Variants in C10orf105 observed in about 807,000 individuals in gnomAD.
C10orf105 encodes the protein chromosome 10 open reading frame 105.
In C10orf105, 2 loss-of-function variants were observed where a neutral mutation model predicts 0.6. The ratio of observed to expected loss-of-function variants is 3.18; its 90% CI spans 1.30 to 10.01. The LOEUF is 10.01. C10orf105 is among the 30% of genes most tolerant of loss of function. The probability of loss-of-function intolerance (pLI) is 0.04; values close to 1 mark genes in which losing one functional copy is unlikely to be tolerated. For missense variants in C10orf105, 209 were observed against 191.4 expected, an observed-to-expected ratio of 1.09 and a Z score of -0.54; for synonymous variants, 95 against 82.4, an observed-to-expected ratio of 1.15 and a Z score of -0.83.
chr10:71,712,537 C>A lies in C10orf105; in HGVS notation c.*3399G>T. The A allele has an allele frequency of 9.9e-7, 1 of 1,014,276 alleles. No individual in the cohort carries two copies. The highest frequency in any genetic ancestry group is 1.4e-6 in the Non-Finnish European group (1 of 690,548). 62.8% of individuals were successfully genotyped at this position (1,014,276 alleles called of 1,614,324 possible). On this transcript the variant is annotated 3_prime_UTR_variant, in exon 2 of 2. Transcript: ENST00000441508. ...AAGCTAAAAAGGAAGTCACCCCTTGCAAAGGCTAGGGCAGATGGGGCGGAA... is the reference window on the plus strand; with the variant it reads ...AAGCTAAAAAGGAAGTCACCCCTTGAAAAGGCTAGGGCAGATGGGGCGGAA...
At chr10:71,724,324 C>T (rs1168599946), upstream of C10orf105, among the ~76,000 whole-genome samples, 1 of 152,164 alleles carries the variant, frequency 6.6e-6, no homozygotes, top group African/African-American at 2.4e-5. Flanking sequence ...ACGGAGTCTC[C>T]CTCTGTCGCC....
upstream of C10orf105, chr10:71,724,056 G>A (rs752407400): frequency 2.4e-5 from 38 of 1,559,900 alleles, no homozygotes; most frequent in South Asian, 5.9e-5. Flanking sequence ...TGAAAGCCAC[G>A]GACGCAGATG....
Position 71,712,610 on chromosome 10 carries a change from A to C in C10orf105, c.*3326T>G. 6.3e-7 allele frequency: 1 copy of C among 1,598,824 alleles called. No homozygotes were observed. The highest frequency in any genetic ancestry group is 8.5e-7 in the Non-Finnish European group (1 of 1,169,924). ...CCCGGGAGTGTGCAAAGTCACAGGA[A>C]GTGTGCCCCTCTCTCAGGCAGCTGC... On this transcript the variant is annotated 3_prime_UTR_variant, in exon 2 of 2. Transcript: ENST00000441508.
chr10:71,712,797 G>GT lies in C10orf105; in HGVS notation c.*3138_*3139insA. 6.2e-7 allele frequency: 1 copy of GT among 1,612,502 alleles called. No homozygotes were observed. The highest frequency in any genetic ancestry group is 8.5e-7 in the Non-Finnish European group (1 of 1,179,516). Reference sequence around the variant, plus strand: ...AGCGTCCCTGAGGACATCCCTGAAGGCCACAGCATCTTGCAGGCAGGTGGC... The same window carrying GT: ...AGCGTCCCTGAGGACATCCCTGAAGGTCCACAGCATCTTGCAGGCAGGTGGC... On this transcript the variant is annotated 3_prime_UTR_variant, in exon 2 of 2. Coordinates refer to ENST00000441508, the MANE Select transcript of C10orf105 (RefSeq NM_001164375.3).
intron 1 of C10orf105, among the ~76,000 whole-genome samples, chr10:71,728,393 C>G (rs965376161): frequency 6.6e-6 from 1 of 152,090 alleles, no homozygotes; most frequent in African/African-American, 2.4e-5. Flanking sequence ...AACTTTTACA[C>G]CCATATGCCT....
chr10:71,731,362 G>A (rs1340737385), intron 1 of C10orf105, among the ~76,000 whole-genome samples: 5 of 152,230 alleles, frequency 3.3e-5, no homozygotes, highest in Non-Finnish European at 5.9e-5. Context: ...GGATGGGGTG[G>A]AGGGAGGAAT....
chr10:71,735,432 G>A (rs373869482), intron 1 of C10orf105, among the ~76,000 whole-genome samples: 12 of 152,264 alleles, frequency 7.9e-5, no homozygotes, highest in African/African-American at 2.6e-4. Context: ...TCATGCTGGG[G>A]TTGCAATGGG....
Position 71,730,229 on chromosome 10 carries a change from A to G in C10orf105, c.-6+7499T>C, listed in dbSNP as rs16929272. On this transcript the variant is annotated intron_variant, in intron 1 of 1. Coordinates refer to the C10orf105 transcript ENST00000398786. ...TCAGATGTTCCACAGCATTAGTCAA[A>G]AAGCCAAGAGCAAGATGAAGTTCAT... 0.029 allele frequency among the ~76,000 whole-genome samples: 4,392 copies of G among 152,316 alleles called. 235 individuals carry two copies. Among genetic ancestry groups the G allele is most frequent in the African/African-American group, 0.1 (4,170 of 41,550 alleles).
At chr10:71,725,881 A>G (rs1466943407) in intron 1 of C10orf105, among the ~76,000 whole-genome samples, 3 of 152,152 alleles carry the variant, frequency 2.0e-5, no homozygotes, top group East Asian at 1.9e-4. Context: ...CATTTTACAG[A>G]TGAGAAAACT....
chr10:71,720,262 C>G (rs1173279063), upstream of C10orf105, among the ~76,000 whole-genome samples: 3 of 152,158 alleles, frequency 2.0e-5, no homozygotes, highest in Non-Finnish European at 4.4e-5. Flanking sequence ...AAGCACCTTC[C>G]CTTTGAAGGT....
At chr10:71,726,452 TG>T (rs1321903790) in intron 1 of C10orf105, among the ~76,000 whole-genome samples, 1 of 152,032 alleles carries the variant, frequency 6.6e-6, no homozygotes, top group Non-Finnish European at 1.5e-5. Flanking sequence ...TGTGCTGGGG[TG>T]GGTGACTCAG....
chr10:71,722,128 A>G (rs1866585920), upstream of C10orf105, among the ~76,000 whole-genome samples: 1 of 152,198 alleles, frequency 6.6e-6, no homozygotes, highest in African/African-American at 2.4e-5. Context: ...GGTGGCAAGA[A>G]AGAAAATCCA....
intron 1 of C10orf105, chr10:71,734,793 C>T (rs1839509071): frequency 1.9e-6 from 1 of 532,602 alleles, no homozygotes; most frequent in African/African-American, 1.9e-5. Context: ...GGCCCCCTCC[C>T]AGTGCCTCCA....
chr10:71,719,156 T>C (rs1023408597), intron 1 of C10orf105, among the ~76,000 whole-genome samples: 1 of 152,146 alleles, frequency 6.6e-6, no homozygotes, highest in Admixed American at 6.5e-5. Flanking sequence ...GAGAGATTCC[T>C]AAGTGCTTGA....
At chr10:71,736,145 C>A (rs1441492132) in intron 1 of C10orf105, among the ~76,000 whole-genome samples, 1 of 152,218 alleles carries the variant, frequency 6.6e-6, no homozygotes, top group Admixed American at 6.5e-5. Context: ...GGCTTCGGAG[C>A]ACACACTTCT....
intron 1 of C10orf105, among the ~76,000 whole-genome samples, chr10:71,718,252 C>T (rs370148087): frequency 6.6e-6 from 1 of 152,198 alleles, no homozygotes; most frequent in Non-Finnish European, 1.5e-5. Context: ...GTTCCCCACC[C>T]GAGGGACTCC....
intron 1 of C10orf105, 179 bp from the exon 2 acceptor site, chr10:71,716,521 C>T (rs1280719208): frequency 7.3e-6 from 4 of 544,696 alleles, no homozygotes; most frequent in Non-Finnish European, 1.3e-5. Flanking sequence ...TCTAAGTGTA[C>T]ACACAGCTGA....
chr10:71,734,192 A>T, intron 1 of C10orf105: 1 of 1,485,004 alleles, frequency 6.7e-7, no homozygotes, highest in Non-Finnish European at 9.3e-7. Context: ...GACCAGGGTT[A>T]ACAAGGGTGC....
chr10:71,729,767 C>T (rs754003233), intron 1 of C10orf105, among the ~76,000 whole-genome samples: 1 of 152,126 alleles, frequency 6.6e-6, no homozygotes, highest in Non-Finnish European at 1.5e-5. Flanking sequence ...AGAACTTTTG[C>T]AGGCCCTGGC....
Sources: allele counts gnomAD v4.1 joint callset (sites outside exome capture counted in the v4.1 genomes callset), GRCh38; gene constraint gnomAD v4.1.1; transcripts MANE v1.5; gene names NCBI Gene and HGNC (gene_info 2026-07-23, HGNC 2026-07-21).